CENPP: variants seen among roughly 807,000 people sequenced by gnomAD.
CENPP encodes the protein centromere protein P.
A neutral mutation model predicts 35.6 loss-of-function variants in CENPP; 24 were observed. That is an observed-to-expected ratio of 0.67 (90% CI 0.49 to 0.95). The LOEUF is 0.95. CENPP is among the 40% of genes least tolerant of loss of function. The pLI is 0.00. For synonymous variants in CENPP, 120 were observed against 125.5 expected, an observed-to-expected ratio of 0.96 and a Z score of 0.29; for missense variants, 332 against 345.3, an observed-to-expected ratio of 0.96 and a Z score of 0.31.
At chr9:92,338,338 C>A (rs1429857468) in intron 3 of CENPP, among the ~76,000 whole-genome samples, 1 of 151,880 alleles carries the variant, frequency 6.6e-6, no homozygotes. Flanking sequence ...ACCAAAAATA[C>A]AATTATCCCT....
At chr9:92,606,259 CT>C (rs1308215583) in intron 5 of CENPP, among the ~76,000 whole-genome samples, 1 of 151,960 alleles carries the variant, frequency 6.6e-6, no homozygotes, top group Non-Finnish European at 1.5e-5. Context: ...AAGATTCTGT[CT>C]TAAAAAAATA....
intron 5 of CENPP, among the ~76,000 whole-genome samples, chr9:92,441,597 A>G (rs901015457): frequency 2.6e-5 from 4 of 152,094 alleles, no homozygotes; most frequent in African/African-American, 7.2e-5. Flanking sequence ...CACCTCTACA[A>G]AAAACACAAA....
intron 2 of CENPP, 56 bp downstream of exon 2, chr9:92,332,407 A>C (rs1840779451): frequency 2.0e-5 from 23 of 1,168,942 alleles, no homozygotes; most frequent in Non-Finnish European, 2.6e-5. Flanking sequence ...ATTATGCATA[A>C]GAAATTGGTT....
intron 5 of CENPP, among the ~76,000 whole-genome samples, chr9:92,551,277 T>C (rs986298369): frequency 6.6e-6 from 1 of 152,154 alleles, no homozygotes; most frequent in South Asian, 2.1e-4. Flanking sequence ...TACTGTTATA[T>C]AGTAAGGAGT....
At chr9:92,457,936 G>A (rs530898549) in intron 5 of CENPP, among the ~76,000 whole-genome samples, 21 of 152,230 alleles carry the variant, frequency 1.4e-4, no homozygotes, top group African/African-American at 5.1e-4. Context: ...CATTAGAAAT[G>A]ATCAGAAGAA....
intron 5 of CENPP, among the ~76,000 whole-genome samples, chr9:92,540,832 G>C (rs1563995436): frequency 6.6e-6 from 1 of 152,042 alleles, no homozygotes; most frequent in Non-Finnish European, 1.5e-5. Flanking sequence ...CCTAGATCAG[G>C]AGATAACTGT....
chr9:92,449,753 C>G (rs1844654501), intron 5 of CENPP, among the ~76,000 whole-genome samples: 1 of 152,072 alleles, frequency 6.6e-6, no homozygotes, highest in African/African-American at 2.4e-5. Context: ...TGTGGCACCT[C>G]CCCTTTCTCT....
chr9:92,328,724 A>G (rs1401115337), intron 1 of CENPP, among the ~76,000 whole-genome samples: 2 of 152,250 alleles, frequency 1.3e-5, no homozygotes, highest in Admixed American at 6.5e-5. Context: ...TAATAAAACC[A>G]CAAAGTGAAT....
chr9:92,581,491 A>T (rs1056116918), intron 5 of CENPP, among the ~76,000 whole-genome samples: 1 of 152,190 alleles, frequency 6.6e-6, no homozygotes, highest in Admixed American at 6.5e-5. Context: ...GATTGGCTAT[A>T]TTGGCAAACT....
intron 5 of CENPP, among the ~76,000 whole-genome samples, chr9:92,542,807 C>T (rs72754449): frequency 0.098 from 14,964 of 152,126 alleles, 914 homozygotes; most frequent in East Asian, 0.19. Flanking sequence ...CCACTGCGCC[C>T]GGCCCCCTAT....
At chr9:92,571,922 T>C (rs1323832380) in intron 5 of CENPP, among the ~76,000 whole-genome samples, 3 of 151,582 alleles carry the variant, frequency 2.0e-5, no homozygotes, top group South Asian at 2.1e-4. Context: ...TTTTTTTTTT[T>C]TTGTTTTCCA....
chr9:92,345,530 A>C (rs1841267242), intron 3 of CENPP, among the ~76,000 whole-genome samples, 169 bp from the exon 4 acceptor site: 1 of 150,224 alleles, frequency 6.7e-6, no homozygotes, highest in Admixed American at 6.6e-5. Flanking sequence ...TATTGTTTTA[A>C]TTTACAATTA....
At chr9:92,397,827 TA>T in intron 5 of CENPP, among the ~76,000 whole-genome samples, 1 of 152,320 alleles carries the variant, frequency 6.6e-6, no homozygotes, top group Non-Finnish European at 1.5e-5. Context: ...ACATATACAA[TA>T]TACATGCATA....
intron 5 of CENPP, among the ~76,000 whole-genome samples, chr9:92,419,175 A>C (rs1177559495): frequency 2.6e-5 from 4 of 152,114 alleles, no homozygotes; most frequent in Non-Finnish European, 5.9e-5. Context: ...CCAGATGAGA[A>C]GCCTGAAACC....
chr9:92,386,650 T>G (rs186595671), intron 5 of CENPP, among the ~76,000 whole-genome samples: 1 of 152,262 alleles, frequency 6.6e-6, no homozygotes, highest in African/African-American at 2.4e-5. Flanking sequence ...GGGATTGAAT[T>G]TTGACCCTGG....
intron 5 of CENPP, chr9:92,500,624 T>C (rs1353480953): frequency 3.3e-6 from 4 of 1,222,142 alleles, no homozygotes; most frequent in Non-Finnish European, 3.4e-6. Flanking sequence ...TAGCACCATT[T>C]TTTTTTCCCT....
At chr9:92,348,605 T>C (rs969653790) in intron 4 of CENPP, among the ~76,000 whole-genome samples, 1 of 152,150 alleles carries the variant, frequency 6.6e-6, no homozygotes, top group Non-Finnish European at 1.5e-5. Flanking sequence ...TTGGTCAGGC[T>C]GGTCTCAAAC....
At chr9:92,417,562 C>CTTT in intron 5 of CENPP, 2 of 1,216,260 alleles carry the variant, frequency 1.6e-6, no homozygotes, top group Non-Finnish European at 2.2e-6. Flanking sequence ...AACCCATCTT[C>CTTT]TTTTTTTTTT....
intron 5 of CENPP, among the ~76,000 whole-genome samples, chr9:92,536,941 C>G (rs1426957613): frequency 6.7e-6 from 1 of 150,054 alleles, no homozygotes; most frequent in Non-Finnish European, 1.5e-5. Flanking sequence ...GTGATCTCAG[C>G]ACACTGAAAC....
Sources: allele counts gnomAD v4.1 joint callset (sites outside exome capture counted in the v4.1 genomes callset), GRCh38; gene constraint gnomAD v4.1.1; transcripts MANE v1.5; gene names NCBI Gene and HGNC (gene_info 2026-07-23, HGNC 2026-07-21).